The following RICTOR variants were observed in gnomAD, a reference collection of about 807,000 sequenced individuals.
RICTOR encodes rapamycin-insensitive companion of mTOR.
Under a neutral mutation model 214.9 loss-of-function variants are expected in RICTOR, and 49 were observed. The observed-to-expected ratio is 0.23, with a 90% confidence interval of 0.18 to 0.29. RICTOR has a LOEUF of 0.29. Ranked by LOEUF, RICTOR falls within the 10% of genes least tolerant of loss-of-function variation. RICTOR has a pLI of 1.00. For synonymous variants in RICTOR, 717 were observed against 711.3 expected, an observed-to-expected ratio of 1.01 and a Z score of -0.13; for missense variants, 1,625 against 2,047.0, an observed-to-expected ratio of 0.79 and a Z score of 3.98.
chr5:39,020,536 C>G (rs530932195), intron 3 of RICTOR, among the ~76,000 whole-genome samples: 3 of 152,240 alleles, frequency 2.0e-5, no homozygotes, highest in Admixed American at 2.0e-4. Flanking sequence ...TTAAGGTACA[C>G]GCATTTTTTA....
At chr5:39,050,834 G>T (rs1003485736) in intron 2 of RICTOR, among the ~76,000 whole-genome samples, 1 of 152,214 alleles carries the variant, frequency 6.6e-6, no homozygotes, top group Non-Finnish European at 1.5e-5. Flanking sequence ...GTTTATAATG[G>T]TTGAAGGTAA....
At chr5:38,998,823 T>C (rs1753371522) in intron 5 of RICTOR, among the ~76,000 whole-genome samples, 1 of 151,922 alleles carries the variant, frequency 6.6e-6, no homozygotes, top group Non-Finnish European at 1.5e-5. Flanking sequence ...AAGACCAGCC[T>C]GGGCAACATG....
chr5:38,966,763 C>A, intron 14 of RICTOR, 42 bp from the exon 15 acceptor site: 1 of 1,025,552 alleles, frequency 9.8e-7, no homozygotes, highest in Non-Finnish European at 1.5e-6. Flanking sequence ...CAAAATAATA[C>A]ATATGAAAAC....
intron 12 of RICTOR, 76 bp from the exon 13 acceptor site, chr5:38,967,503 T>C (rs369360438): frequency 1.7e-5 from 18 of 1,089,328 alleles, no homozygotes; most frequent in African/African-American, 7.9e-5. Flanking sequence ...AACCATCAGC[T>C]AGCCAGGCTA....
At position 38,971,897 on chromosome 5, in the gene RICTOR, T is replaced by C. The variant is rs777770711; in HGVS notation, c.952A>G (p.Ile318Val). The change falls in exon 11 of 38, where the codon ATA (isoleucine) becomes GTA (valine). Residue 318 changes from isoleucine (I) to valine (V), a missense_variant. Around this residue, in one of 5 missense-constraint regions of RICTOR, gnomAD observed 258 missense variants for 393.7 expected, o/e 0.66. Transcript: ENST00000357387. Reference protein sequence around the residue: ...GIQSLIGVLCIPNMEIRRGLL... With the variant: ...GIQSLIGVLCVPNMEIRRGLL... ...CCTACCCTTATTTCCATATTTGGTA[T>C]GCAAAGTACTCCTATTAGAGACTGG... 1 of 1,436,990 alleles carries C rather than the reference T, an allele frequency of 7.0e-7. No individual in the cohort carries two copies. The highest frequency in any genetic ancestry group is 9.8e-7 in the Non-Finnish European group (1 of 1,021,012). The allele number at this position is 1,436,990 out of a possible 1,614,324, so 89.0% of individuals were successfully genotyped here.
rs748948720 is a variant in RICTOR at position 38,957,683 on chromosome 5, T to C, written c.2468A>G (p.Tyr823Cys). The C allele has an allele frequency of 2.5e-6, 4 of 1,590,366 alleles. No individual in the cohort carries two copies. The highest frequency in any genetic ancestry group is 1.3e-5 in the African/African-American group (1 of 74,130). ...KGFSYLNERGYVAKQLEKWHR... is the reference protein window; with the variant it reads ...KGFSYLNERGCVAKQLEKWHR... ...CCACTTTTCCAATTGTTTTGCTACA[T>C]AACCTCTTTCATTCAGATAGGAAAA... Residue 823 changes from tyrosine to cysteine, a missense_variant, in exon 25 of 38, where the codon TAT becomes TGT. This residue lies in a region of RICTOR where 1,214 missense variants were observed against 1,470.5 expected (regional missense o/e 0.83). Coordinates refer to ENST00000357387, the MANE Select transcript of RICTOR (RefSeq NM_152756.5).
rs1258528025 is a variant in RICTOR, at chr5:38,990,747, G to GATATATCAT, written c.583+201_583+202insATGATATAT. ...TATATCATATATATGATATATATGAGATATATGATATATATGAGATATATG... is the reference window on the plus strand; with the variant it reads ...TATATCATATATATGATATATATGAGATATATCATATATATGATATATATGAGATATATG... On this transcript the variant is annotated intron_variant, in intron 7 of 37. Transcript: ENST00000357387. Among the ~76,000 whole-genome samples the GATATATCAT allele has an allele frequency of 4.2e-3, 93 of 21,976 alleles. 3 individuals are homozygous for GATATATCAT. The highest frequency in any genetic ancestry group is 0.012 in the East Asian group (6 of 484). 14.4% of individuals were successfully genotyped at this position (21,976 alleles called of 152,430 possible).
intron 2 of RICTOR, among the ~76,000 whole-genome samples, chr5:39,028,627 A>G (rs1756040200): frequency 6.6e-6 from 1 of 152,224 alleles, no homozygotes; most frequent in Non-Finnish European, 1.5e-5. Flanking sequence ...GTACAAGAAT[A>G]TTTATAGCAG....
intron 34 of RICTOR, chr5:38,945,277 A>T: frequency 1.6e-6 from 1 of 609,678 alleles, no homozygotes; most frequent in Non-Finnish European, 2.9e-6. Context: ...AGTGGAAAAG[A>T]CCTAATCCAG....
intron 3 of RICTOR, among the ~76,000 whole-genome samples, chr5:39,016,372 G>A (rs1391168728): frequency 2.6e-5 from 4 of 151,758 alleles, no homozygotes; most frequent in Non-Finnish European, 5.9e-5. Context: ...GGAAGAGAAA[G>A]GTGACAAGGA....
At chr5:39,007,638 A>T (rs956721309) in intron 3 of RICTOR, among the ~76,000 whole-genome samples, 1 of 152,126 alleles carries the variant, frequency 6.6e-6, no homozygotes, top group African/African-American at 2.4e-5. Context: ...AAAATGTACA[A>T]GGAATTTACT....
chr5:38,949,823 T>C lies in RICTOR; in HGVS notation c.4025A>G (p.His1342Arg), dbSNP rs1462540281. 5 of 1,613,412 alleles carry C rather than the reference T, an allele frequency of 3.1e-6. No individual in the cohort carries two copies. The African/African-American group carries it at 6.7e-5, about 22-fold the overall frequency. ...AGCTTCAGAGTGAGATAAGGATGGA[T>C]GCATTCTTTGTTGCTGTAGTCTTTT... ...TLKRLQQQRM[H>R]PSLSHSEALA... The change falls in exon 31 of 38, where the codon CAT becomes CGT. Residue 1342 changes from histidine (H) to arginine (R), a missense_variant. His to Arg is a conservative substitution (Grantham distance 29, BLOSUM62 0). Around this residue, in one of 5 missense-constraint regions of RICTOR, gnomAD observed 1,214 missense variants for 1,470.5 expected, o/e 0.83. Transcript: ENST00000357387.
intron 2 of RICTOR, among the ~76,000 whole-genome samples, chr5:39,060,021 C>A (rs1232402196): frequency 6.6e-6 from 1 of 152,050 alleles, no homozygotes; most frequent in Non-Finnish European, 1.5e-5. Flanking sequence ...TTAGTCAATA[C>A]TAGACTGTCT....
chr5:39,002,662 G>T lies in RICTOR; in HGVS notation c.265C>A (p.Arg89=), dbSNP rs748219571. The part of the protein sequence containing the change: ...FHYEDIIICL[R]LALLNEAKEV... ...TTTGCTTCATTTAATAAAGCTAACC[G>T]CAAACTGTATGAAAACAAACAAAAT... Residue 89 remains arginine (R), a synonymous_variant, in exon 5 of 38, where the codon CGG becomes AGG. Coordinates refer to ENST00000357387, the MANE Select transcript of RICTOR (RefSeq NM_152756.5). 14 of 1,600,846 alleles carry T rather than the reference G, an allele frequency of 8.7e-6. No individual in the cohort carries two copies. The African/African-American group carries it at 1.9e-4, about 22-fold the overall frequency.
chr5:39,007,968 G>A (rs2150115400), intron 3 of RICTOR, among the ~76,000 whole-genome samples: 1 of 151,330 alleles, frequency 6.6e-6, no homozygotes, highest in African/African-American at 2.4e-5. Context: ...GGAGATTTAT[G>A]TATTTTAAAT....
chr5:39,033,288 C>A, intron 2 of RICTOR, among the ~76,000 whole-genome samples: 1 of 151,038 alleles, frequency 6.6e-6, no homozygotes. Flanking sequence ...CAGACTCTTG[C>A]TCTGTTGCCC....
At chr5:39,072,784 A>G (rs1759410107) in intron 2 of RICTOR, among the ~76,000 whole-genome samples, 1 of 152,244 alleles carries the variant, frequency 6.6e-6, no homozygotes, top group South Asian at 2.1e-4. Context: ...TAATCTAATT[A>G]GTAGCCATTT....
intron 7 of RICTOR, among the ~76,000 whole-genome samples, chr5:38,982,801 C>T (rs921699088): frequency 7.1e-5 from 1 of 14,152 alleles, no homozygotes; most frequent in Non-Finnish European, 2.3e-4. Flanking sequence ...TATATATACA[C>T]ATACATATAT....
At position 38,940,244 on chromosome 5, in the gene RICTOR, G is replaced by GGT. The variant is rs1180186791; in HGVS notation, c.*2058_*2059dup. 16 of 228,156 alleles carry GGT rather than the reference G, an allele frequency of 7.0e-5. No homozygotes were observed. The highest frequency in any genetic ancestry group is 1.2e-4 in the Non-Finnish European group (14 of 115,414). 14.1% of individuals were successfully genotyped at this position (228,156 alleles called of 1,614,324 possible). The stretch of plus-strand genomic sequence containing the variant: ...CAGGGATAGTGATGGTGGGGGAGGG[G>GGT]GTGTGTGTGTGTGTAAGACAAAAAA... On this transcript the variant is annotated 3_prime_UTR_variant, in exon 38 of 38. Coordinates refer to ENST00000357387, the MANE Select transcript of RICTOR (RefSeq NM_152756.5).
Sources: gnomAD v4.1 joint callset for allele counts (sites outside exome capture counted in the v4.1 genomes callset) on GRCh38, gnomAD v4.1.1 for gene constraint, gnomAD v4.1.1 regional missense constraint, MANE v1.5 for transcripts, NCBI Gene and HGNC (gene_info 2026-07-23, HGNC 2026-07-21) for gene names.